Variants in AKAP6 observed in about 807,000 individuals in gnomAD.
AKAP6 encodes A-kinase anchoring protein 6.
In AKAP6, 58 loss-of-function variants were observed where a neutral mutation model predicts 188.5. The observed-to-expected ratio is 0.31, with a 90% CI of 0.25 to 0.38. The LOEUF (loss-of-function observed/expected upper bound fraction) is 0.38. AKAP6 is among the 10% of genes least tolerant of loss of function. The pLI, the probability that AKAP6 is intolerant of heterozygous loss-of-function variation, is 1.00. For synonymous variants in AKAP6, 989 were observed against 998.6 expected (o/e 0.99, Z 0.18); for missense variants, 2,710 against 2,740.0 (o/e 0.99, Z 0.24).
At chr14:32,641,343 AAAAG>A (rs548848037) in intron 7 of AKAP6, among the ~76,000 whole-genome samples, 155 of 152,054 alleles carry the variant, frequency 1.0e-3, no homozygotes, top group African/African-American at 3.5e-3. Flanking sequence ...TAGCCAAAGA[AAAAG>A]AAAATTTTGA....
Position 32,433,817 on chromosome 14 carries a change from G to A in AKAP6, c.324G>A (p.Lys108=). ...KHVDVHLVQL[K]DICEDISDHV... ...TGGATGTACATCTAGTTCAACTAAA[G>A]GTAAGGCAAGGTCTGTGATCCTCTC... The change falls in exon 2 of 14, where the codon AAG becomes AAA. Residue 108 remains lysine (K), a splice_region_variant and synonymous_variant. Coordinates refer to ENST00000280979, the MANE Select transcript of AKAP6 (RefSeq NM_004274.5). The A allele has an allele frequency of 1.2e-6, 2 of 1,611,064 alleles. No individual in the cohort carries two copies. The highest frequency in any genetic ancestry group is 1.7e-6 in the Non-Finnish European group (2 of 1,179,032).
chr14:32,526,811 G>T (rs1882155909), intron 2 of AKAP6, among the ~76,000 whole-genome samples: 1 of 152,136 alleles, frequency 6.6e-6, no homozygotes, highest in Non-Finnish European at 1.5e-5. Context: ...AACCAGTTTA[G>T]ATTCACAGCA....
At chr14:32,509,288 C>A (rs1046502782) in intron 2 of AKAP6, among the ~76,000 whole-genome samples, 8 of 151,864 alleles carry the variant, frequency 5.3e-5, no homozygotes, top group Admixed American at 5.3e-4. Flanking sequence ...CCACGCCTGG[C>A]TAATTTTTTT....
At chr14:32,436,646 TA>T (rs1278313717) in intron 2 of AKAP6, among the ~76,000 whole-genome samples, 1 of 152,188 alleles carries the variant, frequency 6.6e-6, no homozygotes, top group Non-Finnish European at 1.5e-5. Flanking sequence ...TGGGATCTTT[TA>T]AATACGTAAA....
intron 12 of AKAP6, among the ~76,000 whole-genome samples, chr14:32,817,491 T>TTGTGTG (rs3033323): frequency 1.2e-4 from 18 of 145,430 alleles, no homozygotes; most frequent in African/African-American, 3.8e-4. Context: ...GTGTCTGTGT[T>TTGTGTG]TGTGTGTGTG....
chr14:32,443,302 A>C (rs977395046), intron 2 of AKAP6, among the ~76,000 whole-genome samples: 1 of 152,080 alleles, frequency 6.6e-6, no homozygotes, highest in African/African-American at 2.4e-5. Flanking sequence ...GCTGAGGCAG[A>C]GAATTGCTTG....
At chr14:32,331,427 A>T (rs760469258) in intron 1 of AKAP6, among the ~76,000 whole-genome samples, 1 of 152,012 alleles carries the variant, frequency 6.6e-6, no homozygotes, top group Non-Finnish European at 1.5e-5. Context: ...CTAGTGGAAC[A>T]TCCTCCCGGT....
chr14:32,578,453 T>C (rs1449393938), intron 5 of AKAP6, among the ~76,000 whole-genome samples: 2 of 152,152 alleles, frequency 1.3e-5, no homozygotes, highest in Non-Finnish European at 2.9e-5. Flanking sequence ...ACCTCTCTTG[T>C]ACATGGGTTT....
chr14:32,813,899 C>T (rs1192452560), intron 12 of AKAP6, among the ~76,000 whole-genome samples: 6 of 123,070 alleles, frequency 4.9e-5, no homozygotes, highest in Non-Finnish European at 8.4e-5. Flanking sequence ...TTGCAGGGGG[C>T]GGTTGTTATG....
intron 12 of AKAP6, among the ~76,000 whole-genome samples, chr14:32,812,901 C>G (rs2034272717): frequency 6.6e-6 from 1 of 152,202 alleles, no homozygotes; most frequent in South Asian, 2.1e-4. Flanking sequence ...TCTGCACACA[C>G]TCAGACAGCA....
rs954285857 is a variant in AKAP6, at chr14:32,672,047, A to C, written c.2731-6264A>C. 9.2e-5 allele frequency among the ~76,000 whole-genome samples: 14 copies of C among 152,292 alleles called. No homozygotes were observed. The South Asian group carries it at 2.7e-3, about 29-fold the overall frequency. On this transcript the variant is annotated intron_variant, in intron 7 of 13. Coordinates refer to ENST00000280979, the MANE Select transcript of AKAP6 (RefSeq NM_004274.5). ...TATACACTATATTATTATTAGTTAC[A>C]CACACAAGATCAGAGGGAAGTATAT...
intron 12 of AKAP6, among the ~76,000 whole-genome samples, chr14:32,776,412 G>A (rs1016034846): frequency 2.6e-5 from 4 of 152,122 alleles, no homozygotes; most frequent in Non-Finnish European, 5.9e-5. Context: ...TGTAAGATGT[G>A]CCTTTTGCCT....
chr14:32,420,080 T>A (rs1356513568), intron 1 of AKAP6, among the ~76,000 whole-genome samples: 2 of 152,158 alleles, frequency 1.3e-5, no homozygotes, highest in African/African-American at 4.8e-5. Context: ...TTAAGCTTTA[T>A]GTTTGCATAC....
intron 2 of AKAP6, among the ~76,000 whole-genome samples, chr14:32,463,927 A>G (rs1028813728): frequency 5.3e-5 from 8 of 152,240 alleles, no homozygotes; most frequent in African/African-American, 1.9e-4. Context: ...CACTGATCCC[A>G]CAGAAATACA....
chr14:32,385,665 T>A (rs1888509297), intron 1 of AKAP6, among the ~76,000 whole-genome samples: 1 of 151,570 alleles, frequency 6.6e-6, no homozygotes, highest in Non-Finnish European at 1.5e-5. Flanking sequence ...CAATGTTTTG[T>A]TTTCCATTCC....
intron 2 of AKAP6, among the ~76,000 whole-genome samples, chr14:32,482,474 C>T (rs1232439825): frequency 6.6e-6 from 1 of 152,184 alleles, no homozygotes; most frequent in African/African-American, 2.4e-5. Flanking sequence ...TGTCACTTGT[C>T]AGAGATTATT....
intron 4 of AKAP6, among the ~76,000 whole-genome samples, chr14:32,552,901 T>C (rs1404751371): frequency 6.6e-6 from 1 of 152,174 alleles, no homozygotes; most frequent in Non-Finnish European, 1.5e-5. Context: ...AAATATATCC[T>C]GCTTCTAATT....
At chr14:32,351,470 G>A (rs1887264945) in intron 1 of AKAP6, among the ~76,000 whole-genome samples, 2 of 151,708 alleles carry the variant, frequency 1.3e-5, no homozygotes. Context: ...ACTGAGGCAG[G>A]AGAATCGCTT....
intron 2 of AKAP6, among the ~76,000 whole-genome samples, chr14:32,437,542 C>T (rs1038706436): frequency 2.0e-5 from 3 of 152,092 alleles, no homozygotes; most frequent in Admixed American, 6.5e-5. Context: ...CCTGATCCCT[C>T]TTCTTAAAAC....
Sources: gnomAD v4.1 joint callset for allele counts (sites outside exome capture counted in the v4.1 genomes callset) on GRCh38, gnomAD v4.1.1 for gene constraint, MANE v1.5 for transcripts, NCBI Gene and HGNC (gene_info 2026-07-23, HGNC 2026-07-21) for gene names.